The following SLC30A8 variants were observed in gnomAD, a reference collection of about 807,000 sequenced individuals.
SLC30A8 encodes proton-coupled zinc antiporter SLC30A8.
SLC30A8 carries 27 observed loss-of-function variants against 36.9 expected under a neutral mutation model. That is an observed-to-expected ratio of 0.73 (90% CI 0.54 to 1.01). The LOEUF is 1.01. SLC30A8 is among the 50% of genes least tolerant of loss of function. The probability of loss-of-function intolerance (pLI) is 0.00; values close to 1 mark genes in which losing one functional copy is unlikely to be tolerated. For synonymous variants in SLC30A8, 164 were observed against 172.4 expected, an observed-to-expected ratio of 0.95 and a Z score of 0.38; for missense variants, 439 against 452.0, an observed-to-expected ratio of 0.97 and a Z score of 0.26.
chr8:117,117,756 C>T lies in SLC30A8; in HGVS notation c.-225-17524C>T, dbSNP rs535755034. Among the ~76,000 whole-genome samples, 31 of 152,002 alleles carry T rather than the reference C, an allele frequency of 2.0e-4. No individual in the cohort carries two copies. In the South Asian group the frequency reaches 3.1e-3, roughly 15 times the overall value. ...TCAGCAGGGAGCTACCAGCATCTCA[C>T]GAACCAATATGATGACATCTTCTTT... On this transcript the variant is annotated intron_variant, in intron 2 of 10. Transcript: ENST00000427715.
Position 117,057,024 on chromosome 8 carries a change from G to T in SLC30A8, c.-226+17766G>T, listed in dbSNP as rs191393619. On this transcript the variant is annotated intron_variant, in intron 2 of 10. Coordinates refer to the SLC30A8 transcript ENST00000427715. ...GATAGCACTTGCCTTAGTCCACTAG[G>T]GCTGCTATAACAAAATACCATAAAC... Among the ~76,000 whole-genome samples, 199 of 152,150 alleles carry T rather than the reference G, an allele frequency of 1.3e-3. 2 individuals are homozygous for T. The highest frequency in any genetic ancestry group is 4.4e-3 in the African/African-American group (182 of 41,522).
intron 2 of SLC30A8, among the ~76,000 whole-genome samples, chr8:117,104,790 A>G (rs1025363339): frequency 2.0e-5 from 3 of 152,152 alleles, no homozygotes; most frequent in Non-Finnish European, 2.9e-5. Context: ...GGCTATTTTT[A>G]TGGTTATATC....
At chr8:117,139,206 A>G (rs542292199) in intron 1 of SLC30A8, among the ~76,000 whole-genome samples, 4 of 152,226 alleles carry the variant, frequency 2.6e-5, no homozygotes, top group Non-Finnish European at 4.4e-5. Flanking sequence ...CCCCACAATT[A>G]TATGTTGAAG....
intron 1 of SLC30A8, among the ~76,000 whole-genome samples, chr8:116,999,219 A>G (rs1815922171): frequency 6.6e-6 from 1 of 152,192 alleles, no homozygotes; most frequent in Non-Finnish European, 1.5e-5. Context: ...AGATCATGCC[A>G]TTGCGCTCCA....
chr8:116,977,709 A>G (rs1815099661), intron 1 of SLC30A8, among the ~76,000 whole-genome samples: 1 of 151,710 alleles, frequency 6.6e-6, no homozygotes, highest in African/African-American at 2.4e-5. Flanking sequence ...ATGGGATTTC[A>G]CCATGTTGGC....
chr8:117,163,366 A>G (rs917425732), intron 5 of SLC30A8, 59 bp from the exon 6 acceptor site: 1 of 1,312,704 alleles, frequency 7.6e-7, no homozygotes, highest in East Asian at 2.3e-5. Context: ...TTTATTAATC[A>G]GACTTTCTGA....
chr8:116,971,993 G>C (rs1425683461), intron 1 of SLC30A8, among the ~76,000 whole-genome samples: 2 of 152,040 alleles, frequency 1.3e-5, no homozygotes, highest in South Asian at 4.1e-4. Context: ...GTTTAAACTA[G>C]AACAATGATA....
intron 4 of SLC30A8, among the ~76,000 whole-genome samples, chr8:117,159,382 A>G (rs946389185): frequency 6.6e-6 from 1 of 152,216 alleles, no homozygotes; most frequent in African/African-American, 2.4e-5. Flanking sequence ...GAGGGGGCAC[A>G]ATGACATCTC....
chr8:117,029,475 A>G (rs1018783563), intron 1 of SLC30A8, among the ~76,000 whole-genome samples: 7 of 152,354 alleles, frequency 4.6e-5, no homozygotes, highest in Admixed American at 2.6e-4. Flanking sequence ...TCTCCAAAGA[A>G]GAAAGACAAC....
intron 3 of SLC30A8, among the ~76,000 whole-genome samples, chr8:117,154,439 T>G (rs1435788521): frequency 6.6e-6 from 1 of 152,236 alleles, no homozygotes; most frequent in Non-Finnish European, 1.5e-5. Context: ...GTGGCCAGCC[T>G]TCACTGAAAG....
intron 2 of SLC30A8, among the ~76,000 whole-genome samples, chr8:117,123,919 G>T (rs2130907031): frequency 6.6e-6 from 1 of 152,106 alleles, no homozygotes; most frequent in Admixed American, 6.6e-5. Context: ...AGTGCAGTTG[G>T]TATGTTAACT....
rs377690682 is a variant in SLC30A8 at position 117,064,466 on chromosome 8, A to T, written c.-226+25208A>T. Reference sequence around the variant, plus strand: ...GGGATGTGAAGTGATCATATAGCTGATGATAATTGAGCACACAATTCTGCC... The same window carrying T: ...GGGATGTGAAGTGATCATATAGCTGTTGATAATTGAGCACACAATTCTGCC... On this transcript the variant is annotated intron_variant, in intron 2 of 10. Coordinates refer to the SLC30A8 transcript ENST00000427715. 3.9e-5 allele frequency among the ~76,000 whole-genome samples: 6 copies of T among 152,342 alleles called. No individual in the cohort carries two copies. The South Asian group carries it at 6.2e-4, about 16-fold the overall frequency.
intron 2 of SLC30A8, among the ~76,000 whole-genome samples, chr8:117,105,301 C>G (rs1380059931): frequency 6.6e-6 from 1 of 152,152 alleles, no homozygotes; most frequent in Non-Finnish European, 1.5e-5. Flanking sequence ...CCTAAAAACT[C>G]TTCCAGCCTC....
chr8:117,114,026 C>A (rs1202796583), intron 2 of SLC30A8, among the ~76,000 whole-genome samples: 1 of 152,064 alleles, frequency 6.6e-6, no homozygotes, highest in Non-Finnish European at 1.5e-5. Context: ...GGTCATGAGA[C>A]CTCCCAGATG....
chr8:117,018,561 C>T (rs1437977583), intron 1 of SLC30A8, among the ~76,000 whole-genome samples: 1 of 151,892 alleles, frequency 6.6e-6, no homozygotes, highest in Non-Finnish European at 1.5e-5. Flanking sequence ...GATAGCACCA[C>T]TGTGTTGGAT....
chr8:116,999,918 ATT>A (rs1269247954), intron 1 of SLC30A8, among the ~76,000 whole-genome samples: 1 of 152,180 alleles, frequency 6.6e-6, no homozygotes, highest in South Asian at 2.1e-4. Context: ...CAATAGACAT[ATT>A]TTCCTAAAAG....
intron 2 of SLC30A8, among the ~76,000 whole-genome samples, chr8:117,060,428 G>A (rs1182634470): frequency 6.6e-6 from 1 of 152,022 alleles, no homozygotes; most frequent in East Asian, 1.9e-4. Flanking sequence ...AAGGAGGAGA[G>A]GACGGCATGA....
At chr8:117,130,475 C>T (rs1014000345), upstream of SLC30A8, among the ~76,000 whole-genome samples, 1 of 151,748 alleles carries the variant, frequency 6.6e-6, no homozygotes, top group Non-Finnish European at 1.5e-5. Flanking sequence ...AAACAGTGCT[C>T]ATGAAAATTA....
intron 2 of SLC30A8, among the ~76,000 whole-genome samples, chr8:117,114,960 G>A (rs1820383283): frequency 6.6e-6 from 1 of 151,872 alleles, no homozygotes; most frequent in African/African-American, 2.4e-5. Context: ...GCTCTAGTGT[G>A]GTGGCTACAG....
Sources: allele counts gnomAD v4.1 joint callset (sites outside exome capture counted in the v4.1 genomes callset), GRCh38; gene constraint gnomAD v4.1.1; transcripts MANE v1.5; gene names NCBI Gene and HGNC (gene_info 2026-07-23, HGNC 2026-07-21).